Variants in CNTNAP5 observed in about 807,000 individuals in gnomAD.
CNTNAP5 encodes contactin associated protein family member 5, also known as contactin-associated protein-like 5.
CNTNAP5 carries 72 observed loss-of-function variants against 150.2 expected under a neutral mutation model. The ratio of observed to expected loss-of-function variants is 0.48; its 90% CI spans 0.40 to 0.58. CNTNAP5 has a LOEUF of 0.58. CNTNAP5 is among the 20% of genes least tolerant of loss of function. CNTNAP5 has a pLI of 0.00. For missense variants in CNTNAP5, 1,636 were observed against 1,626.2 expected, an observed-to-expected ratio of 1.01 and a Z score of -0.10; for synonymous variants, 672 against 619.8, an observed-to-expected ratio of 1.08 and a Z score of -1.25.
intron 7 of CNTNAP5, among the ~76,000 whole-genome samples, chr2:124,493,821 A>T (rs1345283893): frequency 6.6e-6 from 1 of 152,002 alleles, no homozygotes; most frequent in Non-Finnish European, 1.5e-5. Flanking sequence ...GAACAAAGGT[A>T]CTCATATTTT....
intron 5 of CNTNAP5, among the ~76,000 whole-genome samples, chr2:124,439,232 A>G (rs1692615535): frequency 1.3e-5 from 2 of 152,146 alleles, no homozygotes; most frequent in African/African-American, 4.8e-5. Flanking sequence ...TCAATGGGAT[A>G]AAATGCATCA....
At chr2:124,438,424 C>T (rs1023847710) in intron 5 of CNTNAP5, among the ~76,000 whole-genome samples, 1 of 152,092 alleles carries the variant, frequency 6.6e-6, no homozygotes, top group Non-Finnish European at 1.5e-5. Flanking sequence ...AAGAAGACAA[C>T]AATAGTACAT....
intron 11 of CNTNAP5, among the ~76,000 whole-genome samples, chr2:124,567,575 C>T (rs1696052113): frequency 1.3e-5 from 2 of 152,088 alleles, no homozygotes; most frequent in Non-Finnish European, 2.9e-5. Context: ...ACAGGAGTAA[C>T]CGAATAAAAA....
intron 21 of CNTNAP5, among the ~76,000 whole-genome samples, chr2:124,883,070 C>CTT (rs61340026): frequency 6.3e-5 from 9 of 142,084 alleles, no homozygotes; most frequent in African/African-American, 1.6e-4. Flanking sequence ...CATCCATTCT[C>CTT]TTTTTTTTTT....
In CNTNAP5 at chr2:124,662,486, T is replaced by A. The variant is rs545965771; in HGVS notation, c.2077+14528T>A. 2.0e-5 allele frequency among the ~76,000 whole-genome samples: 3 copies of A among 152,346 alleles called. No homozygotes were observed. The South Asian group carries it at 6.2e-4, about 32-fold the overall frequency. ...ATTCTGCAGCACATGACTGTATACA[T>A]GTATTTATATAAATGTGTGTGTATT... On this transcript the variant is annotated intron_variant, in intron 13 of 23. Transcript: ENST00000682447.
At chr2:124,576,860 C>A (rs1696293283) in intron 11 of CNTNAP5, among the ~76,000 whole-genome samples, 2 of 152,062 alleles carry the variant, frequency 1.3e-5, no homozygotes, top group African/African-American at 4.8e-5. Flanking sequence ...TAGGAAGTGC[C>A]TGATTAAGTT....
chr2:124,718,234 AT>A (rs913492466), intron 13 of CNTNAP5, among the ~76,000 whole-genome samples: 39 of 152,338 alleles, frequency 2.6e-4, no homozygotes, highest in East Asian at 1.7e-3. Flanking sequence ...AAGTATTATT[AT>A]TCATTAATTA....
intron 17 of CNTNAP5, among the ~76,000 whole-genome samples, chr2:124,779,597 C>G (rs547945976): frequency 1.0e-3 from 157 of 152,238 alleles, no homozygotes; most frequent in South Asian, 2.9e-3. Context: ...TTTCGTTTCT[C>G]CTGAGAATTA....
At chr2:124,445,900 A>C (rs1692802075) in intron 5 of CNTNAP5, among the ~76,000 whole-genome samples, 1 of 152,214 alleles carries the variant, frequency 6.6e-6, no homozygotes, top group Non-Finnish European at 1.5e-5. Flanking sequence ...TATAAGCTGT[A>C]ATCTTTTTGG....
At position 124,417,590 on chromosome 2, in the gene CNTNAP5, A is replaced by G; in HGVS notation, c.529A>G (p.Lys177Glu). The change falls in exon 4 of 24, where the codon AAA becomes GAA. Residue 177 changes from lysine to glutamate, a missense_variant and splice_region_variant. Lys to Glu is a moderately conservative substitution (Grantham distance 56, BLOSUM62 1). Transcript: ENST00000682447. ...AGTCGAGGTCTACGGATGTTCCTAT[A>G]GTAAGTACTCACATGTACCCTTTAC... ...MRVEVYGCSYKSDVADFDGRS... is the reference protein window; with the variant it reads ...MRVEVYGCSYESDVADFDGRS... 6.2e-7 allele frequency: 1 copy of G among 1,612,734 alleles called. No individual in the cohort carries two copies.
chr2:124,473,495 G>T (rs1693567377), intron 6 of CNTNAP5, among the ~76,000 whole-genome samples: 1 of 151,952 alleles, frequency 6.6e-6, no homozygotes, highest in African/African-American at 2.4e-5. Flanking sequence ...ACTGCATTAA[G>T]AAACACTTTT....
intron 13 of CNTNAP5, among the ~76,000 whole-genome samples, chr2:124,676,730 A>G (rs181643983): frequency 1.3e-5 from 2 of 152,320 alleles, no homozygotes; most frequent in African/African-American, 4.8e-5. Flanking sequence ...GAGCTAAGTG[A>G]AGAAGGAAGG....
At chr2:124,351,903 T>G (rs1366567121) in intron 3 of CNTNAP5, among the ~76,000 whole-genome samples, 1 of 152,068 alleles carries the variant, frequency 6.6e-6, no homozygotes, top group Admixed American at 6.6e-5. Context: ...GGTAGTTACA[T>G]GGAGGAGTAA....
At chr2:124,825,408 A>C (rs1233274976) in intron 19 of CNTNAP5, among the ~76,000 whole-genome samples, 1 of 152,188 alleles carries the variant, frequency 6.6e-6, no homozygotes, top group Non-Finnish European at 1.5e-5. Flanking sequence ...TCCCATTTAA[A>C]CTGACTCTCC....
At chr2:124,582,005 A>T (rs1158756585) in intron 11 of CNTNAP5, among the ~76,000 whole-genome samples, 1 of 152,204 alleles carries the variant, frequency 6.6e-6, no homozygotes, top group Non-Finnish European at 1.5e-5. Context: ...ATTACTTATT[A>T]AAACAGATGG....
intron 3 of CNTNAP5, among the ~76,000 whole-genome samples, chr2:124,292,065 C>A (rs1355545084): frequency 6.6e-6 from 1 of 152,094 alleles, no homozygotes; most frequent in Non-Finnish European, 1.5e-5. Context: ...CCAACAGTGA[C>A]CTATTGACAG....
intron 13 of CNTNAP5, among the ~76,000 whole-genome samples, chr2:124,660,046 G>GGAAC (rs1678552556): frequency 2.5e-5 from 1 of 40,486 alleles, no homozygotes; most frequent in African/African-American, 9.7e-5. Context: ...AAGGAAGAAA[G>GGAAC]GAAGGAAGGA....
intron 21 of CNTNAP5, among the ~76,000 whole-genome samples, chr2:124,873,387 T>A (rs1677791791): frequency 6.6e-6 from 1 of 151,988 alleles, no homozygotes; most frequent in Admixed American, 6.6e-5. Context: ...GAGATTTGAG[T>A]GAGGACACAG....
chr2:124,674,262 C>T (rs1456799480), intron 13 of CNTNAP5, among the ~76,000 whole-genome samples: 1 of 151,948 alleles, frequency 6.6e-6, no homozygotes, highest in African/African-American at 2.4e-5. Flanking sequence ...TTGATTTTGG[C>T]TTAGTTTGCG....
Sources: gnomAD v4.1 joint callset for allele counts (sites outside exome capture counted in the v4.1 genomes callset) on GRCh38, gnomAD v4.1.1 for gene constraint, MANE v1.5 for transcripts, NCBI Gene and HGNC (gene_info 2026-07-23, HGNC 2026-07-21) for gene names.